L3MBTL4: variants seen among roughly 807,000 people sequenced by gnomAD.
L3MBTL4 encodes the protein L3MBTL histone methyl-lysine binding protein 4.
A neutral mutation model predicts 84.5 loss-of-function variants in L3MBTL4; 70 were observed. The observed-to-expected ratio is 0.83, with a 90% CI of 0.68 to 1.01. The LOEUF is 1.01. Ranked by LOEUF, L3MBTL4 falls within the 50% of genes least tolerant of loss-of-function variation. The probability of loss-of-function intolerance (pLI) is 0.00; values close to 1 mark genes in which losing one functional copy is unlikely to be tolerated. For missense variants in L3MBTL4, 715 were observed against 754.8 expected, an observed-to-expected ratio of 0.95 and a Z score of 0.62; for synonymous variants, 274 against 259.8, an observed-to-expected ratio of 1.05 and a Z score of -0.52.
At chr18:5,989,030 G>A (rs534469589) in intron 16 of L3MBTL4, among the ~76,000 whole-genome samples, 4 of 152,238 alleles carry the variant, frequency 2.6e-5, no homozygotes, top group Admixed American at 2.0e-4. Flanking sequence ...TCCACTACTC[G>A]CCTAGGTTCT....
At chr18:6,395,265 G>C (rs530406373) in intron 1 of L3MBTL4, 1 of 152,018 alleles carries the variant, frequency 6.6e-6, no homozygotes, top group Admixed American at 6.6e-5. Context: ...CTTCAATATG[G>C]GCAAATGATC....
intron 10 of L3MBTL4, among the ~76,000 whole-genome samples, chr18:6,218,487 T>C (rs911684546): frequency 1.3e-5 from 2 of 151,886 alleles, no homozygotes; most frequent in African/African-American, 4.8e-5. Flanking sequence ...GGACTGGATG[T>C]GAGGTAAGTA....
At chr18:6,396,821 T>C (rs2055292557) in intron 1 of L3MBTL4, 1 of 152,212 alleles carries the variant, frequency 6.6e-6, no homozygotes, top group Admixed American at 6.5e-5. Context: ...TTTATGCTTA[T>C]AAAGTCATTT....
chr18:6,120,221 C>T (rs796596933), intron 14 of L3MBTL4, among the ~76,000 whole-genome samples: 4 of 152,288 alleles, frequency 2.6e-5, no homozygotes, highest in African/African-American at 9.6e-5. Flanking sequence ...GTCTCGGAAC[C>T]GACCACGTGC....
At chr18:6,390,744 C>A (rs1425512221) in intron 1 of L3MBTL4, among the ~76,000 whole-genome samples, 3 of 152,110 alleles carry the variant, frequency 2.0e-5, no homozygotes, top group African/African-American at 7.2e-5. Flanking sequence ...TGGATAAATT[C>A]TTGAAACATA....
chr18:6,078,832 C>A (rs899593450), intron 16 of L3MBTL4, among the ~76,000 whole-genome samples: 4 of 152,128 alleles, frequency 2.6e-5, no homozygotes, highest in African/African-American at 9.7e-5. Context: ...AATGTAGAAT[C>A]AGTGGGAGCC....
chr18:6,413,264 A>T (rs1431461713), intron 1 of L3MBTL4, among the ~76,000 whole-genome samples: 2 of 152,192 alleles, frequency 1.3e-5, no homozygotes, highest in African/African-American at 4.8e-5. Flanking sequence ...TGTACAGCAA[A>T]GTGCTAAGTG....
At chr18:6,268,989 A>T (rs2048752192) in intron 4 of L3MBTL4, among the ~76,000 whole-genome samples, 1 of 152,196 alleles carries the variant, frequency 6.6e-6, no homozygotes, top group African/African-American at 2.4e-5. Flanking sequence ...TATGTAAACA[A>T]AATCCCTAGC....
intron 13 of L3MBTL4, among the ~76,000 whole-genome samples, chr18:6,169,060 CA>C (rs200244619): frequency 6.6e-6 from 1 of 152,012 alleles, no homozygotes; most frequent in Admixed American, 6.6e-5. Context: ...TTTATGCAGC[CA>C]AAAAACACAT....
intron 1 of L3MBTL4, among the ~76,000 whole-genome samples, chr18:6,389,299 C>A (rs978977731): frequency 9.9e-5 from 14 of 140,812 alleles, no homozygotes; most frequent in South Asian, 2.3e-4. Context: ...AAAGGAGTTC[C>A]AAATCTTGAA....
chr18:6,166,861 C>A (rs973195640), intron 13 of L3MBTL4, among the ~76,000 whole-genome samples: 3 of 152,084 alleles, frequency 2.0e-5, no homozygotes, highest in Non-Finnish European at 4.4e-5. Context: ...ACATAAAAAA[C>A]CCTTCAAAAA....
rs966596592 is a variant in L3MBTL4 at position 6,355,427 on chromosome 18, A to AT, written c.-90-43372dup. 3.3e-3 allele frequency among the ~76,000 whole-genome samples: 487 copies of AT among 148,716 alleles called. 4 individuals are homozygous for AT. Among genetic ancestry groups the AT allele is most frequent in the African/African-American group, 0.011 (449 of 40,810 alleles). On this transcript the variant is annotated intron_variant, in intron 1 of 18. Coordinates refer to ENST00000317931, the MANE Select transcript of L3MBTL4 (RefSeq NM_001330559.2). Reference sequence around the variant, plus strand: ...TATGATAAGGCAAGCATATTTGTTGATTTTTTTTTTTCTTTGGAAAAGAAA... The same window carrying AT: ...TATGATAAGGCAAGCATATTTGTTGATTTTTTTTTTTTCTTTGGAAAAGAAA...
At chr18:6,134,410 C>T (rs9959512) in intron 14 of L3MBTL4, among the ~76,000 whole-genome samples, 7,933 of 152,204 alleles carry the variant, frequency 0.052, 694 homozygotes, top group African/African-American at 0.18. Context: ...AAAGTCTTAA[C>T]TCATTTCAGC....
At chr18:6,169,821 A>C (rs559346919) in intron 13 of L3MBTL4, among the ~76,000 whole-genome samples, 1 of 151,146 alleles carries the variant, frequency 6.6e-6, no homozygotes, top group African/African-American at 2.4e-5. Flanking sequence ...TAAAACTTAA[A>C]GTATAATAAT....
rs149351969 is a variant in L3MBTL4, at chr18:6,240,812, C to T, written c.552+546G>A. 2.4e-4 allele frequency among the ~76,000 whole-genome samples: 36 copies of T among 152,274 alleles called. 1 individual carries two copies. In the East Asian group the frequency reaches 5.8e-3, roughly 24 times the overall value. ...CAGTGAGTGGCCTGCACAGTGACACCGCCTGCCAGTGGCAGAGCCGACTTC... is the reference window on the plus strand; with the variant it reads ...CAGTGAGTGGCCTGCACAGTGACACTGCCTGCCAGTGGCAGAGCCGACTTC... On this transcript the variant is annotated intron_variant, in intron 8 of 18. Transcript: ENST00000317931.
chr18:6,212,484 A>G (rs1326416727), intron 12 of L3MBTL4, among the ~76,000 whole-genome samples: 2 of 152,380 alleles, frequency 1.3e-5, no homozygotes, highest in Non-Finnish European at 2.9e-5. Flanking sequence ...AAAATTTAAT[A>G]AATTCTACAG....
intron 16 of L3MBTL4, among the ~76,000 whole-genome samples, chr18:6,018,575 T>C: frequency 6.6e-6 from 1 of 152,224 alleles, no homozygotes. Context: ...CCGTGTGCTG[T>C]GGGCATACTG....
intron 1 of L3MBTL4, among the ~76,000 whole-genome samples, chr18:6,408,690 T>A (rs1256034175): frequency 1.3e-5 from 2 of 151,704 alleles, no homozygotes; most frequent in African/African-American, 4.8e-5. Flanking sequence ...CTTCTTCTTT[T>A]TTTTTTTTTG....
intron 12 of L3MBTL4, among the ~76,000 whole-genome samples, chr18:6,188,992 T>G (rs1016307409): frequency 6.6e-6 from 1 of 152,188 alleles, no homozygotes; most frequent in African/African-American, 2.4e-5. Flanking sequence ...TACCACAAAC[T>G]TGGTGTCTTC....
Sources: gnomAD v4.1 joint callset for allele counts (sites outside exome capture counted in the v4.1 genomes callset) on GRCh38, gnomAD v4.1.1 for gene constraint, MANE v1.5 for transcripts, NCBI Gene and HGNC (gene_info 2026-07-23, HGNC 2026-07-21) for gene names.